The following SNX29 variants were observed in gnomAD, a reference collection of about 807,000 sequenced individuals.
SNX29 encodes sorting nexin-29.
A neutral mutation model predicts 102.1 loss-of-function variants in SNX29; 78 were observed. That is an observed-to-expected ratio of 0.76 (90% CI 0.64 to 0.92). The LOEUF (loss-of-function observed/expected upper bound fraction) is 0.92. Ranked by LOEUF, SNX29 falls within the 40% of genes least tolerant of loss-of-function variation. The probability of loss-of-function intolerance (pLI) is 0.00; values close to 1 mark genes in which losing one functional copy is unlikely to be tolerated. For synonymous variants in SNX29, 580 were observed against 414.5 expected (o/e 1.40, Z -4.85); for missense variants, 1,280 against 1,061.7 (o/e 1.21, Z -2.86).
intron 15 of SNX29, among the ~76,000 whole-genome samples, chr16:12,329,007 C>T (rs2081212079): frequency 6.6e-6 from 1 of 151,984 alleles, no homozygotes; most frequent in South Asian, 2.1e-4. Flanking sequence ...CATGATGGCT[C>T]ACACCTGTAA....
In SNX29 at chr16:12,562,964, C is replaced by G. The variant is rs536910437; in HGVS notation, c.2319-5542C>G. 7.9e-5 allele frequency among the ~76,000 whole-genome samples: 10 copies of G among 126,098 alleles called. No homozygotes were observed. In the East Asian group the frequency reaches 2.0e-3, roughly 25 times the overall value. 82.7% of individuals were successfully genotyped at this position (126,098 alleles called of 152,430 possible). A position where few individuals can be genotyped will look rare whatever the true frequency, so the allele number is the denominator to read the frequency against. ...GTAAGAAGCAAACATTCACCCAACA[C>G]AAGGGGTGAGGGCTGATGCGTAAGA... On this transcript the variant is annotated intron_variant, in intron 20 of 20. Transcript: ENST00000566228.
chr16:12,028,149 C>T (rs1039308439), intron 4 of SNX29, among the ~76,000 whole-genome samples: 6 of 152,146 alleles, frequency 3.9e-5, no homozygotes, highest in South Asian at 2.1e-4. Context: ...CTGGGAATCC[C>T]GGAATCTTTC....
intron 14 of SNX29, among the ~76,000 whole-genome samples, chr16:12,237,982 A>G (rs1477386504): frequency 6.6e-6 from 1 of 152,190 alleles, no homozygotes; most frequent in Non-Finnish European, 1.5e-5. Context: ...CACAGAAGCA[A>G]CGACGCTGGC....
intron 20 of SNX29, among the ~76,000 whole-genome samples, chr16:12,550,612 G>C (rs963893703): frequency 2.0e-5 from 3 of 151,562 alleles, no homozygotes; most frequent in Non-Finnish European, 2.9e-5. Context: ...TATGTGTAAT[G>C]TATACCTGTA....
chr16:12,432,579 C>A (rs751326178), intron 18 of SNX29, among the ~76,000 whole-genome samples: 1 of 152,194 alleles, frequency 6.6e-6, no homozygotes, highest in Non-Finnish European at 1.5e-5. Context: ...GGGAACAGCA[C>A]GCTATGTATA....
intron 15 of SNX29, among the ~76,000 whole-genome samples, chr16:12,305,324 GT>G (rs2080305633): frequency 6.6e-6 from 1 of 152,270 alleles, no homozygotes; most frequent in South Asian, 2.1e-4. Context: ...CGGCCACGGA[GT>G]GGTATCAGGA....
chr16:12,455,155 C>T (rs1356002939), intron 18 of SNX29, among the ~76,000 whole-genome samples: 4 of 152,172 alleles, frequency 2.6e-5, no homozygotes, highest in African/African-American at 9.7e-5. Flanking sequence ...AAGGTTTCCT[C>T]CTCCTTCTAG....
intron 13 of SNX29, among the ~76,000 whole-genome samples, chr16:12,170,796 C>CGT (rs2076132353): frequency 6.6e-6 from 1 of 150,966 alleles, no homozygotes; most frequent in East Asian, 2.0e-4. Context: ...AGTGAGAGCA[C>CGT]GTGTGTGTGT....
chr16:12,335,026 A>G (rs2081405967), intron 15 of SNX29, among the ~76,000 whole-genome samples: 1 of 151,284 alleles, frequency 6.6e-6, no homozygotes, highest in South Asian at 2.1e-4. Flanking sequence ...AACCCTGCCA[A>G]GATGCATGTG....
chr16:12,571,999 GCATCTA>G lies in SNX29; in HGVS notation c.*3371_*3376del. On this transcript the variant is annotated 3_prime_UTR_variant, in exon 21 of 21. Transcript: ENST00000566228. ...CCATCTTCACATCCAGTCACCAGTT[GCATCTA>G]GGGAGCTGCTGGCTATAAAAGGGAT... 1 of 1,062,396 alleles carries G rather than the reference GCATCTA, an allele frequency of 9.4e-7. No individual in the cohort carries two copies. The highest frequency in any genetic ancestry group is 1.1e-6 in the Non-Finnish European group (1 of 877,446). The allele number at this position is 1,062,396 out of a possible 1,614,324, so 65.8% of individuals were successfully genotyped here. A position where few individuals can be genotyped will look rare whatever the true frequency, so the allele number is the denominator to read the frequency against.
chr16:12,456,944 G>A (rs1031639912), intron 18 of SNX29, among the ~76,000 whole-genome samples: 1 of 152,198 alleles, frequency 6.6e-6, no homozygotes, highest in African/African-American at 2.4e-5. Context: ...AGAACACTGT[G>A]CATCTCAGGA....
chr16:12,521,003 A>G (rs1161768650), intron 19 of SNX29, among the ~76,000 whole-genome samples: 1 of 152,036 alleles, frequency 6.6e-6, no homozygotes, highest in Non-Finnish European at 1.5e-5. Context: ...GTTCGAGAAC[A>G]GTCGTCACTA....
rs149579871 is a variant in SNX29, at chr16:12,043,355, A to AT, written c.428+294dup. Among the ~76,000 whole-genome samples the AT allele has an allele frequency of 3.0e-3, 418 of 140,614 alleles. 2 individuals carry two copies. The highest frequency in any genetic ancestry group is 8.5e-3 in the East Asian group (41 of 4,832). 92.2% of individuals were successfully genotyped at this position (140,614 alleles called of 152,430 possible). ...ACATAGCTTCCTCTTCACTTTCTGG[A>AT]TTTTTTTTTTTTTTTTAAAGACAGG... On this transcript the variant is annotated intron_variant, in intron 5 of 20. Transcript: ENST00000566228.
chr16:12,405,177 C>T (rs948660113), intron 18 of SNX29, among the ~76,000 whole-genome samples: 2 of 152,220 alleles, frequency 1.3e-5, no homozygotes, highest in African/African-American at 4.8e-5. Context: ...GAAAAAAGTA[C>T]AGCAGACAGC....
chr16:12,189,547 A>G (rs2076592243), intron 13 of SNX29, among the ~76,000 whole-genome samples: 1 of 152,092 alleles, frequency 6.6e-6, no homozygotes, highest in African/African-American at 2.4e-5. Context: ...GCATGGCTTC[A>G]ATTTGTTCCA....
intron 16 of SNX29, among the ~76,000 whole-genome samples, chr16:12,383,242 A>G (rs957088263): frequency 6.6e-6 from 1 of 152,176 alleles, no homozygotes; most frequent in South Asian, 2.1e-4. Context: ...GTGGAAAGAT[A>G]CATGCAATCT....
chr16:12,028,465 G>A (rs2151121460), intron 4 of SNX29, among the ~76,000 whole-genome samples: 1 of 152,248 alleles, frequency 6.6e-6, no homozygotes, highest in African/African-American at 2.4e-5. Context: ...CTAGGCTCAA[G>A]TGATCCCCTT....
At chr16:12,559,915 C>T (rs1205937727) in intron 20 of SNX29, among the ~76,000 whole-genome samples, 1 of 152,122 alleles carries the variant, frequency 6.6e-6, no homozygotes, top group East Asian at 1.9e-4. Context: ...GGAGGTGGAG[C>T]TTGCAGTGAG....
chr16:12,350,158 A>G (rs2081954077), intron 15 of SNX29, among the ~76,000 whole-genome samples: 2 of 152,192 alleles, frequency 1.3e-5, no homozygotes, highest in Admixed American at 6.5e-5. Context: ...TTATTGAGGT[A>G]GCAACACTGC....
Sources: allele counts gnomAD v4.1 joint callset (sites outside exome capture counted in the v4.1 genomes callset), GRCh38; gene constraint gnomAD v4.1.1; transcripts MANE v1.5; gene names NCBI Gene and HGNC (gene_info 2026-07-23, HGNC 2026-07-21).